BAZ2B: variants seen among roughly 807,000 people sequenced by gnomAD.
BAZ2B encodes the protein bromodomain adjacent to zinc finger domain 2B.
Under a neutral mutation model 246.0 loss-of-function variants are expected in BAZ2B, and 91 were observed. The observed-to-expected ratio is 0.37, with a 90% confidence interval of 0.31 to 0.44. The LOEUF (loss-of-function observed/expected upper bound fraction) is 0.44. Among genes scored for constraint, BAZ2B ranks in the 20% least tolerant of loss-of-function variants. The pLI, the probability that BAZ2B is intolerant of heterozygous loss-of-function variation, is 1.00. For missense variants in BAZ2B, 2,332 were observed against 2,533.7 expected, an observed-to-expected ratio of 0.92 and a Z score of 1.71; for synonymous variants, 855 against 860.0, an observed-to-expected ratio of 0.99 and a Z score of 0.10.
intron 3 of BAZ2B, among the ~76,000 whole-genome samples, chr2:159,464,982 T>C (rs965461683): frequency 1.3e-5 from 2 of 152,234 alleles, no homozygotes; most frequent in African/African-American, 4.8e-5. Flanking sequence ...GAACATAAAT[T>C]ATTACAATCA....
intron 27 of BAZ2B, among the ~76,000 whole-genome samples, chr2:159,351,276 A>G (rs1050914866): frequency 6.6e-6 from 1 of 152,254 alleles, no homozygotes; most frequent in East Asian, 1.9e-4. Context: ...AATACCCTGT[A>G]AACACCTTGA....
At chr2:159,379,417 C>A (rs952537323) in intron 25 of BAZ2B, among the ~76,000 whole-genome samples, 2 of 152,094 alleles carry the variant, frequency 1.3e-5, no homozygotes, top group Non-Finnish European at 2.9e-5. Flanking sequence ...AGCTGTTGTA[C>A]AACCTCATGC....
In BAZ2B at chr2:159,325,866, G is replaced by C. The variant is rs200299773; in HGVS notation, c.5996C>G (p.Thr1999Ser). 90 of 1,595,948 alleles carry C rather than the reference G, an allele frequency of 5.6e-5. No homozygotes were observed. In the Admixed American group the frequency reaches 6.9e-4, roughly 12 times the overall value. The stretch of plus-strand genomic sequence containing the variant: ...CTTCTTGCCTTTCTTTGACTCATTA[G>C]TCTTTTTTCCTTTGACATGAAGTTT... ...IKKLHVKGKK[T>S]NESKKGKKVT... The change falls in exon 35 of 37, where the codon ACT becomes AGT. Residue 1999 changes from threonine (T) to serine (S), a missense_variant. This residue lies in a region of BAZ2B where 210 missense variants were observed against 232.5 expected (regional missense o/e 0.90). Transcript: ENST00000392783.
intron 1 of BAZ2B, among the ~76,000 whole-genome samples, chr2:159,556,513 T>C (rs368215929): frequency 2.4e-4 from 34 of 139,460 alleles, no homozygotes; most frequent in African/African-American, 1.1e-3. Context: ...CAGGCTGGAG[T>C]GCAGTGGCGC....
At position 159,436,832 on chromosome 2, in the gene BAZ2B, A is replaced by C. The variant is rs1274306023; in HGVS notation, c.1293+1471T>G. ...AATTCTACTCCTGGTCTATGTATTC[A>C]ATCAATCTATATGGATTTAAGTGAC... On this transcript the variant is annotated intron_variant, in intron 8 of 36. Transcript: ENST00000392783. Among the ~76,000 whole-genome samples, 6 of 152,198 alleles carry C rather than the reference A, an allele frequency of 3.9e-5. No individual in the cohort carries two copies. In the East Asian group the frequency reaches 1.2e-3, roughly 29 times the overall value.
chr2:159,709,537 G>A, the BAZ2B span, among the ~76,000 whole-genome samples: 1 of 152,110 alleles, frequency 6.6e-6, no homozygotes, highest in African/African-American at 2.4e-5. Context: ...CACATTCTAT[G>A]TATGTAACAA....
At chr2:159,582,423 T>C (rs1422362122) in intron 1 of BAZ2B, among the ~76,000 whole-genome samples, 1 of 152,226 alleles carries the variant, frequency 6.6e-6, no homozygotes, top group East Asian at 1.9e-4. Flanking sequence ...CATACTTTTT[T>C]TTTGAGACTC....
chr2:159,454,614 T>G (rs1378928820), intron 3 of BAZ2B, among the ~76,000 whole-genome samples: 2 of 152,210 alleles, frequency 1.3e-5, no homozygotes, highest in African/African-American at 4.8e-5. Flanking sequence ...ATATATGTGG[T>G]CAGGCATTGA....
At position 159,477,081 on chromosome 2, in the gene BAZ2B, G is replaced by A. The variant is rs141503716; in HGVS notation, c.145+1494C>T. On this transcript the variant is annotated intron_variant, in intron 3 of 36. Coordinates refer to ENST00000392783, the MANE Select transcript of BAZ2B (RefSeq NM_013450.4). ...AGCACTTTAGGAGGCCGAGGAGGGC[G>A]GATCATGAGGTCAGGACATCAAGAC... 8.5e-3 allele frequency among the ~76,000 whole-genome samples: 1,288 copies of A among 152,194 alleles called. 32 individuals are homozygous for A. The highest frequency in any genetic ancestry group is 0.048 in the Admixed American group (731 of 15,286).
the BAZ2B span, among the ~76,000 whole-genome samples, chr2:159,654,712 C>CA: frequency 6.6e-6 from 1 of 152,150 alleles, no homozygotes; most frequent in African/African-American, 2.4e-5. Flanking sequence ...TGGTGGCTCA[C>CA]ACCTGTAATT....
intron 3 of BAZ2B, among the ~76,000 whole-genome samples, chr2:159,470,494 G>A (rs988490253): frequency 6.6e-6 from 1 of 152,222 alleles, no homozygotes; most frequent in Non-Finnish European, 1.5e-5. Context: ...AAAAGTAGGA[G>A]GGTTTGCATG....
In BAZ2B at chr2:159,350,102, T is replaced by C. The variant is rs201330217; in HGVS notation, c.4469A>G (p.Asn1490Ser). The C allele has an allele frequency of 1.4e-5, 22 of 1,614,124 alleles. No individual in the cohort carries two copies. The highest frequency in any genetic ancestry group is 6.7e-5 in the Admixed American group (4 of 59,976). ...CAACGTGCACCCATTTGCACCAGCA[T>C]TTGGTTTGGGGGTCATAACCTCTGA... ...PESEVMTPKP[N>S]AGANGCTLSY... The change falls in exon 28 of 37, where the codon AAT (asparagine) becomes AGT (serine). Residue 1490 changes from asparagine (N) to serine (S), a missense_variant. Asn to Ser is a conservative substitution (Grantham distance 46). This residue lies in a region of BAZ2B where 676 missense variants were observed against 668.6 expected (regional missense o/e 1.01). Coordinates refer to ENST00000392783, the MANE Select transcript of BAZ2B (RefSeq NM_013450.4).
chr2:159,592,019 T>C lies in BAZ2B; in HGVS notation c.-46+24223A>G, dbSNP rs896218607. ...CCTGTATTCCCAGCTACTCAAGAGG[T>C]TGAGGCGTGAGGATCTGTTGAGCCT... On this transcript the variant is annotated intron_variant, in intron 1 of 36. Transcript: ENST00000392783. Among the ~76,000 whole-genome samples the C allele has an allele frequency of 3.3e-5, 5 of 151,692 alleles. No homozygotes were observed. The South Asian group carries it at 1.0e-3, about 31-fold the overall frequency.
At chr2:159,347,054 A>G (rs923747379) in intron 31 of BAZ2B, among the ~76,000 whole-genome samples, 10 of 152,210 alleles carry the variant, frequency 6.6e-5, no homozygotes, top group Non-Finnish European at 1.5e-4. Context: ...CTGACATATA[A>G]CAAGGCTTGT....
chr2:159,564,135 G>A (rs191732294), intron 1 of BAZ2B, among the ~76,000 whole-genome samples: 3 of 152,172 alleles, frequency 2.0e-5, no homozygotes, highest in Non-Finnish European at 2.9e-5. Flanking sequence ...CAGCAAGGAG[G>A]TATCTCTGAG....
Position 159,478,614 on chromosome 2 carries a change from T to A in BAZ2B, c.106A>T (p.Thr36Ser). 1 of 1,611,864 alleles carries A rather than the reference T, an allele frequency of 6.2e-7. No homozygotes were observed. Among genetic ancestry groups the A allele is most frequent in the Non-Finnish European group, 8.5e-7 (1 of 1,178,752 alleles). ...ASVVSKGGLSTGVASLSSTIN... is the reference protein window; with the variant it reads ...ASVVSKGGLSSGVASLSSTIN... ...GTAGAGCTAAGTGAAGCAACTCCAG[T>A]GGAAAGGCCACCTTTTGAAACTACT... The change falls in exon 3 of 37, where the codon ACT becomes TCT. Residue 36 changes from threonine (T) to serine (S), a missense_variant. Around this residue, in one of 9 missense-constraint regions of BAZ2B, gnomAD observed 242 missense variants for 237.4 expected, o/e 1.02. Transcript: ENST00000392783.
rs566517774 is a variant in BAZ2B at position 159,598,438 on chromosome 2, A to G, written c.-46+17804T>C. On this transcript the variant is annotated intron_variant, in intron 1 of 36. Transcript: ENST00000392783. ...TAGGTTAAGATTATATAGATAACAC[A>G]TTATTAGTACAAATATTTCAGAAAA... Among the ~76,000 whole-genome samples the G allele has an allele frequency of 2.6e-5, 4 of 152,372 alleles. No homozygotes were observed. In the East Asian group the frequency reaches 7.7e-4, roughly 29 times the overall value.
At chr2:159,696,641 C>G in the BAZ2B span, among the ~76,000 whole-genome samples, 1 of 152,212 alleles carries the variant, frequency 6.6e-6, no homozygotes, top group Admixed American at 6.5e-5. Context: ...CCAGATCACC[C>G]TTGCTTTCCA....
chr2:159,615,560 G>A (rs949402341), intron 1 of BAZ2B: 1 of 152,310 alleles, frequency 6.6e-6, no homozygotes, highest in African/African-American at 2.4e-5. Flanking sequence ...GCCCAAGCCG[G>A]GGAGTGGGGG....
Sources: allele counts gnomAD v4.1 joint callset (sites outside exome capture counted in the v4.1 genomes callset), GRCh38; gene constraint gnomAD v4.1.1; regional missense constraint gnomAD v4.1.1; transcripts MANE v1.5; gene names NCBI Gene and HGNC (gene_info 2026-07-23, HGNC 2026-07-21).